Variants in NAV3 observed in about 807,000 individuals in gnomAD.
NAV3 encodes neuron navigator 3, also known as pore membrane and/or filament interacting like protein 1.
Under a neutral mutation model 244.7 loss-of-function variants are expected in NAV3, and 87 were observed. The ratio of observed to expected loss-of-function variants is 0.36; its 90% CI spans 0.30 to 0.42. NAV3 has a LOEUF of 0.42. NAV3 is among the 20% of genes least tolerant of loss of function. The pLI is 1.00. For synonymous variants in NAV3, 1,126 were observed against 1,042.2 expected (o/e 1.08, Z -1.55); for missense variants, 2,663 against 2,893.3 (o/e 0.92, Z 1.83).
chr12:78,210,353 C>T (rs780913483), intron 39 of NAV3, 45 bp from the exon 40 acceptor site: 51 of 1,611,710 alleles, frequency 3.2e-5, no homozygotes, highest in Middle Eastern at 1.7e-4. Context: ...GGCTGGCTTA[C>T]TCAATGCATC....
At chr12:78,143,399 G>A (rs937624734) in intron 20 of NAV3, 17 of 447,206 alleles carry the variant, frequency 3.8e-5, no homozygotes, top group Non-Finnish European at 7.2e-5. Context: ...GGGAGGCTGA[G>A]GCGGGTGGAT....
At chr12:77,844,713 A>C (rs1007579446) in intron 1 of NAV3, among the ~76,000 whole-genome samples, 2 of 152,192 alleles carry the variant, frequency 1.3e-5, no homozygotes, top group Non-Finnish European at 2.9e-5. Flanking sequence ...ATATAGTCAT[A>C]TACATATACC....
intron 22 of NAV3, 89 bp from the exon 23 acceptor site, chr12:78,159,114 G>T: frequency 2.8e-6 from 3 of 1,070,520 alleles, no homozygotes; most frequent in Non-Finnish European, 4.2e-6. Context: ...TGGAACACAT[G>T]AAATTAAGCA....
intron 20 of NAV3, among the ~76,000 whole-genome samples, chr12:78,145,720 G>A (rs1363367826): frequency 6.6e-6 from 1 of 152,108 alleles, no homozygotes; most frequent in East Asian, 1.9e-4. Context: ...AGCCAAAAAT[G>A]TTTGCCAGAC....
intron 8 of NAV3, among the ~76,000 whole-genome samples, chr12:78,014,502 C>G (rs1045755011): frequency 1.7e-4 from 26 of 152,042 alleles, no homozygotes; most frequent in Admixed American, 3.3e-4. Context: ...TAGAGTTTTT[C>G]CTTCTTTTGA....
intron 2 of NAV3, among the ~76,000 whole-genome samples, chr12:77,654,080 C>T (rs573996241): frequency 1.6e-5 from 2 of 127,572 alleles, no homozygotes; most frequent in South Asian, 2.6e-4. Context: ...GTTCATCTCA[C>T]TAGGGAGTGC....
At chr12:77,674,577 A>G (rs747058890) in intron 2 of NAV3, among the ~76,000 whole-genome samples, 2 of 151,884 alleles carry the variant, frequency 1.3e-5, no homozygotes, top group Non-Finnish European at 2.9e-5. Context: ...TTTTATACAG[A>G]TGGAGTTTCA....
At chr12:77,769,043 TA>T (rs1204033070) in intron 2 of NAV3, among the ~76,000 whole-genome samples, 1 of 152,190 alleles carries the variant, frequency 6.6e-6, no homozygotes, top group Non-Finnish European at 1.5e-5. Flanking sequence ...TTAATCCTTG[TA>T]AAAAATCAAG....
chr12:78,200,156 C>T (rs1959492966), intron 37 of NAV3, among the ~76,000 whole-genome samples: 1 of 151,992 alleles, frequency 6.6e-6, no homozygotes, highest in Non-Finnish European at 1.5e-5. Flanking sequence ...CAAATAATGA[C>T]GTGTTTTATA....
At chr12:77,854,508 C>A (rs186026702) in intron 1 of NAV3, among the ~76,000 whole-genome samples, 2 of 151,950 alleles carry the variant, frequency 1.3e-5, no homozygotes, top group Non-Finnish European at 2.9e-5. Context: ...ACTATGTTTT[C>A]TTTTTGATGT....
chr12:77,947,186 A>G (rs1032184319), intron 3 of NAV3, among the ~76,000 whole-genome samples: 2 of 151,966 alleles, frequency 1.3e-5, no homozygotes, highest in African/African-American at 4.8e-5. Context: ...ATCTGATTCC[A>G]TGTCCGATAG....
At chr12:77,670,989 A>G (rs760742456) in intron 2 of NAV3, among the ~76,000 whole-genome samples, 6 of 152,148 alleles carry the variant, frequency 3.9e-5, no homozygotes, top group Non-Finnish European at 8.8e-5. Context: ...GTAAAGAGGA[A>G]GTCAAACTGT....
intron 1 of NAV3, among the ~76,000 whole-genome samples, chr12:77,885,401 A>C (rs759020141): frequency 9.2e-5 from 14 of 152,080 alleles, no homozygotes; most frequent in Non-Finnish European, 1.3e-4. Flanking sequence ...TCTTATTTTC[A>C]GAAAAAGATA....
At chr12:78,180,726 C>A (rs1295247848) in intron 29 of NAV3, 145 bp from the exon 30 acceptor site, 9 of 683,242 alleles carry the variant, frequency 1.3e-5, no homozygotes, top group African/African-American at 1.8e-5. Context: ...GGAAGGAAAT[C>A]CTATTTCATA....
intron 2 of NAV3, among the ~76,000 whole-genome samples, chr12:77,738,041 C>A (rs1016875692): frequency 6.6e-6 from 1 of 152,128 alleles, no homozygotes; most frequent in Admixed American, 6.6e-5. Flanking sequence ...GTCTTCAGGT[C>A]GTTTTCCTCC....
At chr12:78,160,292 T>C (rs967234790) in intron 23 of NAV3, among the ~76,000 whole-genome samples, 4 of 152,016 alleles carry the variant, frequency 2.6e-5, no homozygotes, top group Non-Finnish European at 4.4e-5. Flanking sequence ...TGATGACCAG[T>C]TAGCTTACTT....
chr12:78,168,189 AT>A lies in NAV3; in HGVS notation c.4870-565del, dbSNP rs1270923623. Among the ~76,000 whole-genome samples the A allele has an allele frequency of 2.6e-5, 4 of 151,752 alleles. No homozygotes were observed. The East Asian group carries it at 7.7e-4, about 29-fold the overall frequency. On this transcript the variant is annotated intron_variant, in intron 23 of 39. Coordinates refer to ENST00000397909, the MANE Select transcript of NAV3 (RefSeq NM_001024383.2). ...GAATGAAAAAGTATCAGAATGTAACATGACTTTGATATGGCATCAGAATTTA... is the reference window on the plus strand; with the variant it reads ...GAATGAAAAAGTATCAGAATGTAACAGACTTTGATATGGCATCAGAATTTA...
At chr12:78,162,810 C>T (rs1009162724) in intron 23 of NAV3, among the ~76,000 whole-genome samples, 5 of 146,330 alleles carry the variant, frequency 3.4e-5, no homozygotes, top group South Asian at 2.1e-4. Flanking sequence ...TGCAGTAAGC[C>T]GAGGTCATGC....
chr12:77,814,788 C>G (rs1215611155), intron 2 of NAV3, among the ~76,000 whole-genome samples: 2 of 152,172 alleles, frequency 1.3e-5, no homozygotes, highest in African/African-American at 4.8e-5. Context: ...AAGCTTTTCA[C>G]CTCGTCCATG....
Sources: allele counts gnomAD v4.1 joint callset (sites outside exome capture counted in the v4.1 genomes callset), GRCh38; gene constraint gnomAD v4.1.1; transcripts MANE v1.5; gene names NCBI Gene and HGNC (gene_info 2026-07-23, HGNC 2026-07-21).